The following ABCD3 variants were observed in gnomAD, a reference collection of about 807,000 sequenced individuals.
The protein encoded by ABCD3 is ATP-binding cassette sub-family D member 3.
A neutral mutation model predicts 105.5 loss-of-function variants in ABCD3; 41 were observed. The ratio of observed to expected loss-of-function variants is 0.39; its 90% CI spans 0.30 to 0.50. The LOEUF (loss-of-function observed/expected upper bound fraction) is 0.50. ABCD3 is among the 20% of genes least tolerant of loss of function. ABCD3 has a pLI of 0.84. For missense variants in ABCD3, 622 were observed against 806.3 expected, an observed-to-expected ratio of 0.77 and a Z score of 2.77; for synonymous variants, 258 against 269.0, an observed-to-expected ratio of 0.96 and a Z score of 0.40.
chr1:94,475,200 C>G lies in ABCD3; in HGVS notation c.463C>G (p.Arg155Gly). 6.2e-7 allele frequency: 1 copy of G among 1,604,854 alleles called. No homozygotes were observed. Among genetic ancestry groups the G allele is most frequent in the Non-Finnish European group, 8.5e-7 (1 of 1,174,930 alleles). Reference sequence around the variant, plus strand: ...GTTAAATGAGCTTAAACTGTGCTTCCGAGTAAGGCTCACTAAATACCTCTA... The same window carrying G: ...GTTAAATGAGCTTAAACTGTGCTTCGGAGTAAGGCTCACTAAATACCTCTA... ...YGLNELKLCF[R>G]VRLTKYLYEE... The change falls in exon 6 of 23, where the codon CGA becomes GGA. Residue 155 changes from arginine (R) to glycine (G), a missense_variant. Physicochemically the swap from Arg to Gly is moderately radical, Grantham distance 125 (BLOSUM62 -2). This residue lies in a region of ABCD3 where 245 missense variants were observed against 356.4 expected (regional missense o/e 0.69). Transcript: ENST00000370214.
At chr1:94,489,161 C>G (rs1201093143) in intron 13 of ABCD3, among the ~76,000 whole-genome samples, 1 of 151,918 alleles carries the variant, frequency 6.6e-6, no homozygotes, top group African/African-American at 2.4e-5. Flanking sequence ...AACCTCTTGT[C>G]GTTAGTTTTG....
chr1:94,426,652 C>A (rs1406461289), intron 1 of ABCD3, among the ~76,000 whole-genome samples: 1 of 151,624 alleles, frequency 6.6e-6, no homozygotes, highest in Non-Finnish European at 1.5e-5. Flanking sequence ...AAGTGATTAT[C>A]TTGCCTCACC....
intron 8 of ABCD3, chr1:94,480,185 A>G: frequency 8.6e-6 from 4 of 465,218 alleles, no homozygotes; most frequent in Non-Finnish European, 1.5e-5. Context: ...GTTAGATAAC[A>G]TAGAAAAACT....
intron 10 of ABCD3, 141 bp downstream of exon 10, chr1:94,483,380 C>A: frequency 1.5e-6 from 1 of 661,462 alleles, no homozygotes; most frequent in Non-Finnish European, 2.7e-6. Context: ...TGAAAAATAG[C>A]TATAAAGGAT....
chr1:94,416,519 T>C (rs920883767), upstream of ABCD3, among the ~76,000 whole-genome samples: 2 of 152,180 alleles, frequency 1.3e-5, no homozygotes, highest in African/African-American at 4.8e-5. Flanking sequence ...ACGTAAATTA[T>C]GTGAGGTCGT....
At chr1:94,496,707 T>G (rs1649820777) in intron 16 of ABCD3, among the ~76,000 whole-genome samples, 1 of 136,282 alleles carries the variant, frequency 7.3e-6, no homozygotes, top group Non-Finnish European at 1.6e-5. Flanking sequence ...TTTTTTTTTT[T>G]TTTTTTTTTT....
At chr1:94,510,048 C>A (rs2101063067) in intron 21 of ABCD3, among the ~76,000 whole-genome samples, 1 of 152,126 alleles carries the variant, frequency 6.6e-6, no homozygotes, top group Middle Eastern at 3.4e-3. Context: ...AATGTGTTTT[C>A]TCTTGCTTTT....
At chr1:94,396,659 C>A in the ABCD3 span, among the ~76,000 whole-genome samples, 1 of 152,096 alleles carries the variant, frequency 6.6e-6, no homozygotes, top group East Asian at 1.9e-4. Context: ...TATGTAAATT[C>A]TTCTTAATTT....
At chr1:94,510,466 G>A (rs1650603783) in intron 21 of ABCD3, among the ~76,000 whole-genome samples, 1 of 152,176 alleles carries the variant, frequency 6.6e-6, no homozygotes, top group Admixed American at 6.5e-5. Flanking sequence ...TGTGTATTCT[G>A]TTGATTTGGG....
chr1:94,451,079 G>A (rs952506473), intron 1 of ABCD3, among the ~76,000 whole-genome samples: 1 of 151,968 alleles, frequency 6.6e-6, no homozygotes, highest in African/African-American at 2.4e-5. Context: ...ATTTCATTTG[G>A]TTTTCTCAGA....
At chr1:94,422,179 A>G (rs1035907557) in intron 1 of ABCD3, among the ~76,000 whole-genome samples, 2 of 152,178 alleles carry the variant, frequency 1.3e-5, no homozygotes, top group Non-Finnish European at 2.9e-5. Context: ...ACTGTAGGCC[A>G]GGGGTCCCCA....
chr1:94,475,094 TA>T, intron 5 of ABCD3, 48 bp from the exon 6 acceptor site: 1 of 1,156,392 alleles, frequency 8.6e-7, no homozygotes, highest in East Asian at 2.5e-5. Context: ...TATAGTTTAG[TA>T]AGCAGAAATG....
At chr1:94,511,088 G>C (rs1428454600) in intron 21 of ABCD3, among the ~76,000 whole-genome samples, 1 of 151,974 alleles carries the variant, frequency 6.6e-6, no homozygotes, top group Non-Finnish European at 1.5e-5. Flanking sequence ...TCCTAGTCTC[G>C]ATGGTCTTTA....
intron 16 of ABCD3, among the ~76,000 whole-genome samples, chr1:94,497,021 C>T (rs896745432): frequency 6.6e-6 from 1 of 152,000 alleles, no homozygotes. Flanking sequence ...GGGGCTAGAA[C>T]AGTCTTCTTT....
At chr1:94,514,913 C>G (rs1272677994) in intron 21 of ABCD3, 2 of 483,964 alleles carry the variant, frequency 4.1e-6, no homozygotes, top group Admixed American at 7.0e-5. Context: ...GTTTTTTGCC[C>G]AAAAGAAAAT....
intron 7 of ABCD3, 90 bp from the exon 8 acceptor site, chr1:94,478,169 T>G: frequency 1.2e-6 from 1 of 807,520 alleles, no homozygotes. Context: ...ATATTAAATG[T>G]TTAATGACAT....
intron 1 of ABCD3, among the ~76,000 whole-genome samples, chr1:94,442,748 T>A (rs1765612): frequency 1 from 151,650 of 152,360 alleles, 75,473 homozygotes; most frequent in Middle Eastern, 1. Flanking sequence ...AAGTTATTTC[T>A]TGGGATAATA....
intron 7 of ABCD3, 115 bp downstream of exon 7, chr1:94,475,852 G>T: frequency 1.3e-6 from 1 of 796,748 alleles, no homozygotes; most frequent in Non-Finnish European, 2.0e-6. Context: ...AATATTTAAT[G>T]CTTTTATAAG....
At chr1:94,482,887 G>A (rs564806182) in intron 9 of ABCD3, 23 of 380,442 alleles carry the variant, frequency 6.0e-5, no homozygotes, top group Admixed American at 2.8e-4. Context: ...CTCTAATTTC[G>A]AATTTCTGAG....
Sources: allele counts gnomAD v4.1 joint callset (sites outside exome capture counted in the v4.1 genomes callset), GRCh38; gene constraint gnomAD v4.1.1; regional missense constraint gnomAD v4.1.1; transcripts MANE v1.5; gene names NCBI Gene and HGNC (gene_info 2026-07-23, HGNC 2026-07-21).